Variants in P4HA3 observed in about 807,000 individuals in gnomAD.
P4HA3 encodes prolyl 4-hydroxylase subunit alpha 3.
A neutral mutation model predicts 66.7 loss-of-function variants in P4HA3; 60 were observed. That is an observed-to-expected ratio of 0.90 (90% CI 0.73 to 1.12). The LOEUF (loss-of-function observed/expected upper bound fraction) is 1.12. Ranked by LOEUF, P4HA3 falls within the 50% of genes most tolerant of loss-of-function variation. P4HA3 has a pLI of 0.00. For synonymous variants in P4HA3, 263 were observed against 274.6 expected (o/e 0.96, Z 0.42); for missense variants, 683 against 685.8 (o/e 1.00, Z 0.05).
intron 15 of P4HA3, among the ~76,000 whole-genome samples, chr11:74,258,826 A>C (rs544303167): frequency 1.3e-5 from 2 of 152,314 alleles, no homozygotes; most frequent in East Asian, 3.9e-4. Context: ...TTAATTCACT[A>C]GGTGTTATGA....
At chr11:74,301,073 G>A (rs1190604270) in intron 3 of P4HA3, among the ~76,000 whole-genome samples, 1 of 152,170 alleles carries the variant, frequency 6.6e-6, no homozygotes, top group Non-Finnish European at 1.5e-5. Flanking sequence ...CAAGGGTGGA[G>A]CAGAAGGGAT....
chr11:74,268,107 C>A, intron 12 of P4HA3, 38 bp downstream of exon 12: 1 of 1,567,962 alleles, frequency 6.4e-7, no homozygotes, highest in Non-Finnish European at 8.8e-7. Flanking sequence ...ACTCTGCACC[C>A]TGTACCCCCT....
At chr11:74,290,002 C>G (rs1485487399) in intron 4 of P4HA3, among the ~76,000 whole-genome samples, 1 of 152,116 alleles carries the variant, frequency 6.6e-6, no homozygotes, top group Non-Finnish European at 1.5e-5. Context: ...AGTTCTAGAT[C>G]CTTGAGGAAT....
intron 4 of P4HA3, among the ~76,000 whole-genome samples, chr11:74,293,234 T>G (rs1861094713): frequency 6.6e-6 from 1 of 152,132 alleles, no homozygotes; most frequent in Non-Finnish European, 1.5e-5. Context: ...CTTTGTTGGT[T>G]TAAAGTCTGT....
At chr11:74,251,064 A>G in intron 15 of P4HA3, 1 of 1,556,952 alleles carries the variant, frequency 6.4e-7, no homozygotes, top group South Asian at 1.2e-5. Context: ...TGTGAGAATA[A>G]CCCTGGATGT....
chr11:74,275,424 G>A (rs1860360734), intron 9 of P4HA3, among the ~76,000 whole-genome samples: 1 of 152,126 alleles, frequency 6.6e-6, no homozygotes, highest in African/African-American at 2.4e-5. Flanking sequence ...ACTGTCTATT[G>A]AAAAGATTGT....
Position 74,298,219 on chromosome 11 carries a change from T to C in P4HA3, c.710A>G (p.Tyr237Cys), listed in dbSNP as rs762522904. The change falls in exon 4 of 13, where the codon TAT becomes TGT. Residue 237 changes from tyrosine (Y) to cysteine (C), a missense_variant. Physicochemically the swap from Tyr to Cys is radical, Grantham distance 194. Coordinates refer to ENST00000331597, the MANE Select transcript of P4HA3 (RefSeq NM_182904.5). Reference sequence around the variant, plus strand: ...CTTCACTTACTCCCTTACCCGGAAATAAGCAAAGGCCAAGTGATCCAAGGC... The same window carrying C: ...CTTCACTTACTCCCTTACCCGGAAACAAGCAAAGGCCAAGTGATCCAAGGC... Reference protein sequence around the residue: ...EDALDHLAFAYFRAGNVSCAL... With the variant: ...EDALDHLAFACFRAGNVSCAL... 2.5e-6 allele frequency: 4 copies of C among 1,613,556 alleles called. No individual in the cohort carries two copies. In the African/African-American group the frequency reaches 5.3e-5, roughly 22 times the overall value.
chr11:74,295,786 G>A (rs985609258), intron 4 of P4HA3, among the ~76,000 whole-genome samples: 2 of 151,920 alleles, frequency 1.3e-5, no homozygotes, highest in African/African-American at 4.8e-5. Context: ...CAAATACATT[G>A]TTTCTAATTA....
chr11:74,283,221 GGAC>G (rs561591112), intron 7 of P4HA3, among the ~76,000 whole-genome samples: 59 of 152,242 alleles, frequency 3.9e-4, no homozygotes, highest in African/African-American at 1.4e-3. Flanking sequence ...CATGCTAAAT[GGAC>G]GACATGGCCA....
Position 74,298,153 on chromosome 11 carries a change from C to A in P4HA3, c.717+59G>T, listed in dbSNP as rs567034252. The A allele has an allele frequency of 4.5e-6, 7 of 1,541,096 alleles. No homozygotes were observed. The South Asian group carries it at 5.0e-5, about 11-fold the overall frequency. ...ATGAAAATACTTAGAAATTGTAAAG[C>A]AGCTATAAAGGATTTCACTTAGTAT... On this transcript the variant is annotated intron_variant, in intron 4 of 12. Transcript: ENST00000331597.
At chr11:74,276,688 T>C (rs1860408615) in intron 9 of P4HA3, among the ~76,000 whole-genome samples, 1 of 152,172 alleles carries the variant, frequency 6.6e-6, no homozygotes, top group Admixed American at 6.5e-5. Flanking sequence ...CTAGAAGAGT[T>C]ACTGGAGGAA....
At chr11:74,277,214 A>T (rs758380550) in intron 8 of P4HA3, 70 bp from the exon 9 acceptor site, 15 of 1,514,966 alleles carry the variant, frequency 9.9e-6, no homozygotes, top group African/African-American at 1.4e-5. Context: ...TCTCTGAATG[A>T]ATGAATAAAC....
intron 7 of P4HA3, among the ~76,000 whole-genome samples, chr11:74,281,324 C>T (rs1414009445): frequency 6.6e-6 from 1 of 151,902 alleles, no homozygotes; most frequent in Non-Finnish European, 1.5e-5. Flanking sequence ...GGCAATTCCT[C>T]AGGGATCTAG....
intron 7 of P4HA3, 80 bp from the exon 8 acceptor site, chr11:74,279,532 T>C (rs1860518853): frequency 2.9e-6 from 4 of 1,372,640 alleles, no homozygotes; most frequent in Non-Finnish European, 4.2e-6. Flanking sequence ...GACATATTTC[T>C]CTCTTAAGCA....
chr11:74,275,466 G>T (rs562488), intron 9 of P4HA3, among the ~76,000 whole-genome samples: 38,708 of 152,028 alleles, frequency 0.25, 5,409 homozygotes, highest in Non-Finnish European at 0.32. Flanking sequence ...TGGCACCTTT[G>T]TCAAAACCAA....
At chr11:74,271,148 G>C (rs559700870) in intron 10 of P4HA3, among the ~76,000 whole-genome samples, 41 of 152,292 alleles carry the variant, frequency 2.7e-4, no homozygotes, top group African/African-American at 9.6e-4. Flanking sequence ...GAGGTAGGAC[G>C]CTGGCCCTTG....
intron 15 of P4HA3, chr11:74,250,988 C>T: frequency 6.2e-7 from 1 of 1,600,572 alleles, no homozygotes; most frequent in Non-Finnish European, 8.5e-7. Flanking sequence ...CCCAGTGTGG[C>T]CATGCAGTCC....
chr11:74,299,140 A>C (rs1016381161), intron 3 of P4HA3, among the ~76,000 whole-genome samples: 1 of 152,236 alleles, frequency 6.6e-6, no homozygotes, highest in African/African-American at 2.4e-5. Flanking sequence ...TGGGAACGCT[A>C]TGGAAGCTCA....
At chr11:74,304,454 C>A (rs1460463568) in intron 1 of P4HA3, 42 bp from the exon 2 acceptor site, 2 of 1,607,188 alleles carry the variant, frequency 1.2e-6, no homozygotes, top group Non-Finnish European at 1.7e-6. Flanking sequence ...CTGATACAAC[C>A]ACTACACCTA....
Sources: allele counts gnomAD v4.1 joint callset (sites outside exome capture counted in the v4.1 genomes callset), GRCh38; gene constraint gnomAD v4.1.1; transcripts MANE v1.5; gene names NCBI Gene and HGNC (gene_info 2026-07-23, HGNC 2026-07-21).